Variants in EYS observed in about 807,000 individuals in gnomAD.
EYS encodes protein eyes shut homolog.
In EYS, 250 loss-of-function variants were observed where a neutral mutation model predicts 282.1. That is an observed-to-expected ratio of 0.89 (90% CI 0.80 to 0.98). The LOEUF (loss-of-function observed/expected upper bound fraction) is 0.98. EYS is among the 50% of genes least tolerant of loss of function. EYS has a pLI of 0.00. For synonymous variants in EYS, 1,355 were observed against 1,282.9 expected (o/e 1.06, Z -1.20); for missense variants, 4,016 against 3,709.0 (o/e 1.08, Z -2.15).
chr6:63,993,380 G>A (rs926998240), intron 34 of EYS, among the ~76,000 whole-genome samples: 7 of 151,206 alleles, frequency 4.6e-5, no homozygotes, highest in Non-Finnish European at 1.0e-4. Context: ...ATTATTTTTT[G>A]TTCACAGATG....
At chr6:65,209,987 T>G (rs568424437) in intron 12 of EYS, among the ~76,000 whole-genome samples, 24 of 151,894 alleles carry the variant, frequency 1.6e-4, no homozygotes, top group African/African-American at 5.1e-4. Context: ...ATAAGAGCAG[T>G]GGGAAGTAAT....
At chr6:64,210,024 G>A (rs78617402) in intron 31 of EYS, among the ~76,000 whole-genome samples, 2,338 of 151,954 alleles carry the variant, frequency 0.015, 58 homozygotes, top group African/African-American at 0.053. Flanking sequence ...GTCCTTTTCC[G>A]CATGTAACGC....
intron 33 of EYS, among the ~76,000 whole-genome samples, chr6:64,009,383 A>G (rs577821422): frequency 6.6e-6 from 1 of 151,246 alleles, no homozygotes; most frequent in East Asian, 2.0e-4. Context: ...CCCCAGGTTC[A>G]TGCCATTCTC....
At chr6:65,144,066 G>A (rs1764414681) in intron 12 of EYS, among the ~76,000 whole-genome samples, 1 of 152,106 alleles carries the variant, frequency 6.6e-6, no homozygotes, top group Admixed American at 6.6e-5. Flanking sequence ...TAAGTAGGAA[G>A]TTGTGTCTTA....
intron 19 of EYS, among the ~76,000 whole-genome samples, chr6:64,859,391 C>T (rs1020563903): frequency 6.6e-6 from 1 of 151,300 alleles, no homozygotes; most frequent in Non-Finnish European, 1.5e-5. Flanking sequence ...AGGTAAAAGA[C>T]CTGTATATTG....
chr6:64,782,937 AGCCAT>A (rs1773906469), intron 22 of EYS, among the ~76,000 whole-genome samples: 1 of 152,210 alleles, frequency 6.6e-6, no homozygotes, highest in Non-Finnish European at 1.5e-5. Context: ...ACCAATGGTC[AGCCAT>A]CTTCTCAAAA....
intron 33 of EYS, among the ~76,000 whole-genome samples, chr6:64,028,384 C>T (rs528732720): frequency 2.0e-5 from 3 of 152,270 alleles, no homozygotes; most frequent in South Asian, 2.1e-4. Context: ...TGCAGCAGTC[C>T]CTGCAACACC....
chr6:64,464,151 A>C (rs2150487413), intron 26 of EYS, among the ~76,000 whole-genome samples: 1 of 152,306 alleles, frequency 6.6e-6, no homozygotes, highest in East Asian at 1.9e-4. Flanking sequence ...AACCTACCCA[A>C]ATCTACAATT....
At chr6:65,374,250 G>A (rs948250435) in intron 8 of EYS, among the ~76,000 whole-genome samples, 1 of 152,104 alleles carries the variant, frequency 6.6e-6, no homozygotes, top group African/African-American at 2.4e-5. Flanking sequence ...AGCAGAAGCA[G>A]GGTGGGGCAT....
chr6:65,310,482 T>C (rs1769127239), intron 11 of EYS, among the ~76,000 whole-genome samples: 1 of 152,002 alleles, frequency 6.6e-6, no homozygotes, highest in African/African-American at 2.4e-5. Context: ...TCACACACTA[T>C]GCCAGGGTTA....
At chr6:65,488,971 T>C (rs1469706274) in intron 5 of EYS, among the ~76,000 whole-genome samples, 1 of 152,026 alleles carries the variant, frequency 6.6e-6, no homozygotes, top group Non-Finnish European at 1.5e-5. Context: ...TATACAAAAA[T>C]CAACTCAAGA....
Position 65,012,558 on chromosome 6 carries a change from AG to A in EYS, c.2138-14856del, listed in dbSNP as rs546448795. Among the ~76,000 whole-genome samples, 22 of 152,278 alleles carry A rather than the reference AG, an allele frequency of 1.4e-4. No homozygotes were observed. In the East Asian group the frequency reaches 4.3e-3, roughly 30 times the overall value. On this transcript the variant is annotated intron_variant, in intron 13 of 42. Transcript: ENST00000503581. ...GGATAAAGGTATAACACAAAGACTT[AG>A]GATAAGGGATAAAGGTTTCAAAGTT...
chr6:65,396,279 C>T (rs1288822294), intron 7 of EYS, among the ~76,000 whole-genome samples: 5 of 152,086 alleles, frequency 3.3e-5, no homozygotes, highest in African/African-American at 1.2e-4. Context: ...TATATAACTA[C>T]ATCATCTTCT....
chr6:65,627,670 A>C (rs981193333), intron 2 of EYS, among the ~76,000 whole-genome samples: 3 of 152,164 alleles, frequency 2.0e-5, no homozygotes, highest in Non-Finnish European at 4.4e-5. Flanking sequence ...CCAGGCAATG[A>C]GGGACTTAGC....
intron 12 of EYS, among the ~76,000 whole-genome samples, chr6:65,195,627 G>A (rs911740826): frequency 1.3e-5 from 2 of 151,984 alleles, no homozygotes; most frequent in African/African-American, 2.4e-5. Context: ...GCATTGAACA[G>A]AGAGCTAAGT....
intron 15 of EYS, among the ~76,000 whole-genome samples, chr6:64,922,290 T>C (rs1211658578): frequency 6.6e-6 from 1 of 152,222 alleles, no homozygotes; most frequent in African/African-American, 2.4e-5. Context: ...GACAAGGACA[T>C]TGTGTTGACT....
intron 12 of EYS, among the ~76,000 whole-genome samples, chr6:65,283,936 A>G (rs1768289856): frequency 6.6e-6 from 1 of 152,120 alleles, no homozygotes; most frequent in Non-Finnish European, 1.5e-5. Context: ...GGTTATTTTT[A>G]TTTTAATCTT....
At chr6:64,151,848 T>C (rs1406131071) in intron 31 of EYS, among the ~76,000 whole-genome samples, 1 of 152,152 alleles carries the variant, frequency 6.6e-6, no homozygotes, top group Non-Finnish European at 1.5e-5. Context: ...TTGAATTTAT[T>C]ATAGCAAGCA....
chr6:63,954,141 C>T (rs1054447945), intron 35 of EYS, among the ~76,000 whole-genome samples: 2 of 152,178 alleles, frequency 1.3e-5, no homozygotes, highest in African/African-American at 4.8e-5. Context: ...CGACAACTGA[C>T]CCCTGTGACT....
Sources: gnomAD v4.1 joint callset for allele counts (sites outside exome capture counted in the v4.1 genomes callset) on GRCh38, gnomAD v4.1.1 for gene constraint, MANE v1.5 for transcripts, NCBI Gene and HGNC (gene_info 2026-07-23, HGNC 2026-07-21) for gene names.